The following GNG7 variants were observed in gnomAD, a reference collection of about 807,000 sequenced individuals.
The protein encoded by GNG7 is guanine nucleotide-binding protein G(I)/G(S)/G(O) subunit gamma-7.
A neutral mutation model predicts 4.0 loss-of-function variants in GNG7; 1 was observed. The observed-to-expected ratio is 0.25, with a 90% CI of 0.09 to 1.18. The LOEUF is 1.18. GNG7 is among the 50% of genes most tolerant of loss of function. GNG7 has a pLI of 0.50. For missense variants in GNG7, 86 were observed against 91.9 expected (o/e 0.94, Z 0.26); for synonymous variants, 34 against 36.9 (o/e 0.92, Z 0.29).
At position 2,595,980 on chromosome 19, in the gene GNG7, C is replaced by T. The variant is rs556699680; in HGVS notation, c.-77-40792G>A. Among the ~76,000 whole-genome samples, 246 of 152,130 alleles carry T rather than the reference C, an allele frequency of 1.6e-3. 1 individual carries two copies. Among genetic ancestry groups the T allele is most frequent in the Middle Eastern group, 6.8e-3 (2 of 294 alleles). Reference sequence around the variant, plus strand: ...CAACGACCGAATCCAGCTCTCACGGCGACTCTACGCTGCATGCTTGTTACT... The same window carrying T: ...CAACGACCGAATCCAGCTCTCACGGTGACTCTACGCTGCATGCTTGTTACT... On this transcript the variant is annotated intron_variant, in intron 2 of 4. Transcript: ENST00000382159.
chr19:2,560,077 G>A lies in GNG7; in HGVS notation c.-77-4889C>T, dbSNP rs73520493. 6.6e-3 allele frequency among the ~76,000 whole-genome samples: 999 copies of A among 152,154 alleles called. 17 individuals carry two copies. Among genetic ancestry groups the A allele is most frequent in the African/African-American group, 0.022 (930 of 41,516 alleles). On this transcript the variant is annotated intron_variant, in intron 2 of 4. Coordinates refer to ENST00000382159, the MANE Select transcript of GNG7 (RefSeq NM_052847.3). ...AGGAGGGGAAACGGGGAGGCGGAGC[G>A]TGGCCTGGGCTCAGGGAACGCACGT...
In GNG7 at chr19:2,617,911, G is replaced by A. The variant is rs766314892; in HGVS notation, c.-78+28313C>T. The stretch of plus-strand genomic sequence containing the variant: ...TTTTTTAAATGTTTTGTAGAGATAC[G>A]GTCCTGCTATGTTGCCCAGGCTGGT... On this transcript the variant is annotated intron_variant, in intron 2 of 4. Transcript: ENST00000382159. The surrounding 1 kb of genome is among the most constrained non-coding windows in gnomAD (Gnocchi z 4.7). 6.6e-6 allele frequency among the ~76,000 whole-genome samples: 1 copy of A among 151,946 alleles called. No individual in the cohort carries two copies. Among genetic ancestry groups the A allele is most frequent in the East Asian group, 1.9e-4 (1 of 5,190 alleles).
intron 2 of GNG7, among the ~76,000 whole-genome samples, chr19:2,637,505 G>A (rs769788428): frequency 2.0e-5 from 3 of 152,116 alleles, no homozygotes; most frequent in Admixed American, 6.5e-5. Flanking sequence ...AGCCGCACTC[G>A]CCCAGCCCAG....
chr19:2,605,088 C>CTCCTCTGGGA (rs1469467821), intron 2 of GNG7, among the ~76,000 whole-genome samples: 1 of 152,216 alleles, frequency 6.6e-6, no homozygotes, highest in Non-Finnish European at 1.5e-5. Flanking sequence ...TCCTTCCTGC[C>CTCCTCTGGGA]TCCTCCAGCT....
intron 1 of GNG7, among the ~76,000 whole-genome samples, chr19:2,699,924 CCCA>C (rs1389548104): frequency 6.6e-6 from 1 of 152,138 alleles, no homozygotes; most frequent in African/African-American, 2.4e-5. Flanking sequence ...ATCAGAATGA[CCCA>C]GGCAGCCTTC....
Position 2,633,481 on chromosome 19 carries a change from GCGCGCGCA to G in GNG7, c.-78+12735_-78+12742del, listed in dbSNP as rs1436940874. Among the ~76,000 whole-genome samples, 18 of 80,446 alleles carry G rather than the reference GCGCGCGCA, an allele frequency of 2.2e-4. 1 individual carries two copies. Among genetic ancestry groups the G allele is most frequent in the African/African-American group, 4.7e-4 (12 of 25,372 alleles). The allele number at this position is 80,446 out of a possible 152,430, so 52.8% of individuals were successfully genotyped here. On this transcript the variant is annotated intron_variant, in intron 2 of 4. Coordinates refer to ENST00000382159, the MANE Select transcript of GNG7 (RefSeq NM_052847.3). This position sits in a 1 kb window ranked among gnomAD's most constrained non-coding sequence, Gnocchi z 5.9. ...GTTGCTTAGCAACAGGCGCGCGCGC[GCGCGCGCA>G]CACACACACACACACACACACACAC...
chr19:2,672,158 C>T (rs983315300), intron 1 of GNG7, among the ~76,000 whole-genome samples: 2 of 152,020 alleles, frequency 1.3e-5, no homozygotes, highest in Non-Finnish European at 2.9e-5. Flanking sequence ...CTGCCTCAGC[C>T]TCCCGAGTAG....
At chr19:2,638,575 G>GTT (rs1323205616) in intron 2 of GNG7, among the ~76,000 whole-genome samples, 1 of 137,960 alleles carries the variant, frequency 7.2e-6, no homozygotes, top group East Asian at 2.3e-4. Flanking sequence ...GAAGGGAAGG[G>GTT]AGAAAGAAAG....
At chr19:2,516,368 G>A (rs1972735190) in intron 4 of GNG7, among the ~76,000 whole-genome samples, 1 of 151,990 alleles carries the variant, frequency 6.6e-6, no homozygotes, top group African/African-American at 2.4e-5. Flanking sequence ...GGGACTACAG[G>A]TGCCTGCCAC....
At chr19:2,571,342 A>T (rs1295926732) in intron 2 of GNG7, among the ~76,000 whole-genome samples, 1 of 152,086 alleles carries the variant, frequency 6.6e-6, no homozygotes, top group South Asian at 2.1e-4. Context: ...ATACCTACGA[A>T]TTTATTGCAA....
chr19:2,649,596 G>T (rs1982756632), intron 1 of GNG7, among the ~76,000 whole-genome samples: 1 of 151,782 alleles, frequency 6.6e-6, no homozygotes. Context: ...CACCATGTTG[G>T]TCAGGCTGGT....
chr19:2,647,283 C>T (rs1032429977), intron 1 of GNG7, among the ~76,000 whole-genome samples: 1 of 152,186 alleles, frequency 6.6e-6, no homozygotes, highest in Non-Finnish European at 1.5e-5. Context: ...CTGGGAGCCT[C>T]GCTGGTGACA....
chr19:2,584,810 G>A (rs1358166528), intron 2 of GNG7, among the ~76,000 whole-genome samples: 10 of 31,190 alleles, frequency 3.2e-4, no homozygotes, highest in African/African-American at 9.2e-4. Flanking sequence ...GAAGGAAGGA[G>A]GGAGGGAGGG....
chr19:2,676,675 C>G (rs1983601129), intron 1 of GNG7, among the ~76,000 whole-genome samples: 1 of 152,184 alleles, frequency 6.6e-6, no homozygotes, highest in African/African-American at 2.4e-5. Flanking sequence ...CTCGGCCTCC[C>G]ATAGTCCTGG....
At chr19:2,553,971 T>TA (rs1480194783) in intron 3 of GNG7, among the ~76,000 whole-genome samples, 1 of 66,902 alleles carries the variant, frequency 1.5e-5, no homozygotes, top group East Asian at 3.3e-4. Context: ...TACACATATG[T>TA]ATATATTATA....
chr19:2,513,996 A>C lies in GNG7; in HGVS notation c.*1026T>G, dbSNP rs1302907724. The C allele has an allele frequency of 6.6e-6, 1 of 152,374 alleles. No individual in the cohort carries two copies. Among genetic ancestry groups the C allele is most frequent in the Non-Finnish European group, 1.5e-5 (1 of 68,220 alleles). 9.4% of individuals were successfully genotyped at this position (152,374 alleles called of 1,614,324 possible). ...GGCGGATCCCGAGGTCAGGAGTTTGAGAGCGGCCTGGCCAATACGGTGAAA... is the reference window on the plus strand; with the variant it reads ...GGCGGATCCCGAGGTCAGGAGTTTGCGAGCGGCCTGGCCAATACGGTGAAA... On this transcript the variant is annotated 3_prime_UTR_variant, in exon 5 of 5. Coordinates refer to ENST00000382159, the MANE Select transcript of GNG7 (RefSeq NM_052847.3).
At chr19:2,585,034 CGGAG>C (rs1414742039) in intron 2 of GNG7, among the ~76,000 whole-genome samples, 41 of 15,318 alleles carry the variant, frequency 2.7e-3, no homozygotes, top group South Asian at 6.3e-3. Context: ...GAGGGAGGGA[CGGAG>C]GGAGGGAGGG....
chr19:2,607,264 T>G, intron 2 of GNG7, among the ~76,000 whole-genome samples: 1 of 145,770 alleles, frequency 6.9e-6, no homozygotes, highest in African/African-American at 2.5e-5. Context: ...ACACCTGTAA[T>G]CCCAGCACTT....
chr19:2,515,205 G>A, intron 4 of GNG7, 58 bp from the exon 5 acceptor site: 1 of 1,605,724 alleles, frequency 6.2e-7, no homozygotes, highest in Non-Finnish European at 8.5e-7. Flanking sequence ...GGCACACCCG[G>A]GTTCACAGCA....
Sources: allele counts gnomAD v4.1 joint callset (sites outside exome capture counted in the v4.1 genomes callset), GRCh38; gene constraint gnomAD v4.1.1; non-coding constraint Gnocchi (gnomAD v3.1); transcripts MANE v1.5; gene names NCBI Gene and HGNC (gene_info 2026-07-23, HGNC 2026-07-21).